PLXND1: variants seen among roughly 807,000 people sequenced by gnomAD.
PLXND1 encodes the protein plexin D1.
PLXND1 carries 54 observed loss-of-function variants against 197.7 expected under a neutral mutation model. That is an observed-to-expected ratio of 0.27 (90% CI 0.22 to 0.34). The LOEUF (loss-of-function observed/expected upper bound fraction) is 0.34, where lower values mean the gene tolerates loss of function less well. Ranked by LOEUF, PLXND1 falls within the 10% of genes least tolerant of loss-of-function variation. The pLI, the probability that PLXND1 is intolerant of heterozygous loss-of-function variation, is 1.00. For missense variants in PLXND1, 2,127 were observed against 2,699.2 expected, an observed-to-expected ratio of 0.79 and a Z score of 4.70; for synonymous variants, 1,180 against 1,161.2, an observed-to-expected ratio of 1.02 and a Z score of -0.33.
intron 25 of PLXND1, 128 bp from the exon 26 acceptor site, chr3:129,563,368 C>T: frequency 2.8e-6 from 2 of 710,958 alleles, no homozygotes; most frequent in East Asian, 2.8e-5. Flanking sequence ...CTGGTGTCAA[C>T]ACTCTCCTCT....
chr3:129,591,305 C>T (rs1417195226), intron 1 of PLXND1: 3 of 152,270 alleles, frequency 2.0e-5, no homozygotes, highest in Non-Finnish European at 4.4e-5. Flanking sequence ...GTGTTTTCCG[C>T]ATAGAGGCTG....
chr3:129,560,578 C>G, intron 30 of PLXND1, 111 bp downstream of exon 30: 1 of 986,526 alleles, frequency 1.0e-6, no homozygotes, highest in Non-Finnish European at 1.6e-6. Flanking sequence ...CCCCACCCCC[C>G]AGCCTTTCGC....
chr3:129,572,707 C>A lies in PLXND1; in HGVS notation c.2979G>T (p.Lys993Asn), dbSNP rs892391733. ...VHSLEPTMGPKAGGTRITIHG... is the reference protein window; with the variant it reads ...VHSLEPTMGPNAGGTRITIHG... ...GGATGGTGATCCTGGTGCCCCCGGC[C>A]TTGGGGCCCATGGTAGGCTCCAGGG... The change falls in exon 15 of 36, where the codon AAG becomes AAT. Residue 993 changes from lysine to asparagine, a missense_variant. This residue lies in a region of PLXND1 where 1,095 missense variants were observed against 1,259.8 expected (regional missense o/e 0.87). Transcript: ENST00000324093. 32 of 1,602,296 alleles carry A rather than the reference C, an allele frequency of 2.0e-5. No individual in the cohort carries two copies. The highest frequency in any genetic ancestry group is 2.7e-5 in the Non-Finnish European group (32 of 1,174,114).
At chr3:129,560,665 C>T in intron 30 of PLXND1, 24 bp downstream of exon 30, 1 of 1,588,048 alleles carries the variant, frequency 6.3e-7, no homozygotes, top group Non-Finnish European at 8.6e-7. Flanking sequence ...GCTGGATCCC[C>T]CGGGGCCGAG....
chr3:129,596,565 G>A (rs565689570), intron 1 of PLXND1, among the ~76,000 whole-genome samples: 5 of 152,166 alleles, frequency 3.3e-5, no homozygotes, highest in African/African-American at 4.8e-5. Flanking sequence ...AGCAGGAGGG[G>A]CAGAGCACGA....
Position 129,561,818 on chromosome 3 carries a change from G to A in PLXND1, c.4911C>T (p.Asn1637=), listed in dbSNP as rs776799232. The A allele has an allele frequency of 8.1e-6, 13 of 1,613,402 alleles. No individual in the cohort carries two copies. In the South Asian group the frequency reaches 1.3e-4, roughly 16 times the overall value. ...GCTGCACCTTGTAATGGGCCAGCGTGTTAAGCTTCTTGCGGCCGTCTTCCA... is the reference window on the plus strand; with the variant it reads ...GCTGCACCTTGTAATGGGCCAGCGTATTAAGCTTCTTGCGGCCGTCTTCCA... ...SVVEDGRKKL[N]TLAHYKIPEG... is the part of the protein sequence containing the mutation. The change falls in exon 28 of 36, where the codon AAC becomes AAT. Residue 1637 remains asparagine, a synonymous_variant. Transcript: ENST00000324093.
At chr3:129,589,623 C>G (rs2085509402) in intron 1 of PLXND1, 96 bp from the exon 2 acceptor site, 3 of 1,078,074 alleles carry the variant, frequency 2.8e-6, no homozygotes, top group Non-Finnish European at 4.0e-6. Flanking sequence ...GGCATCAGAG[C>G]TTTCAAGTCT....
chr3:129,570,641 G>A (rs1578320715), intron 19 of PLXND1, 145 bp downstream of exon 19: 1 of 776,860 alleles, frequency 1.3e-6, no homozygotes, highest in East Asian at 2.5e-5. Flanking sequence ...ATGTCAAGTG[G>A]GGATGTAAAG....
Position 129,558,425 on chromosome 3 carries a change from G to C in PLXND1, c.5445+3C>G, listed in dbSNP as rs777455933. The C allele has an allele frequency of 6.2e-7, 1 of 1,613,164 alleles. No homozygotes were observed. Among genetic ancestry groups the C allele is most frequent in the South Asian group, 1.1e-5 (1 of 91,024 alleles). ...GCCTGGCCTGGTCCTGGGAACAGCT[G>C]ACCTTGCCCAGCTGCAGGTCAGAGA... On this transcript the variant is annotated splice_donor_region_variant and intron_variant, in intron 33 of 35. Coordinates refer to ENST00000324093, the MANE Select transcript of PLXND1 (RefSeq NM_015103.3). The surrounding 1 kb of genome is among the most constrained non-coding windows in gnomAD (Gnocchi z 4.1).
Position 129,605,875 on chromosome 3 carries a change from G to T in PLXND1, c.765C>A (p.Phe255Leu), listed in dbSNP as rs2108811673. The T allele has an allele frequency of 1.9e-6, 3 of 1,613,716 alleles. No individual in the cohort carries two copies. The highest frequency in any genetic ancestry group is 2.5e-6 in the Non-Finnish European group (3 of 1,179,920). ...TGTTGTCGTCGGAGGGGTTGAGGTCGAAGGTGAAGAGCTTGGCCAGGTCGC... is the reference window on the plus strand; with the variant it reads ...TGTTGTCGTCGGAGGGGTTGAGGTCTAAGGTGAAGAGCTTGGCCAGGTCGC... ...TRGDLAKLFT[F>L]DLNPSDDNIL... Residue 255 changes from phenylalanine to leucine, a missense_variant, in exon 1 of 36, where the codon TTC (phenylalanine) becomes TTA (leucine). Transcript: ENST00000324093.
At position 129,562,807 on chromosome 3, in the gene PLXND1, C is replaced by A; in HGVS notation, c.4805G>T (p.Arg1602Leu). The change falls in exon 27 of 36, where the codon CGT (arginine) becomes CTT (leucine). Residue 1602 changes from arginine to leucine, a missense_variant. Coordinates refer to ENST00000324093, the MANE Select transcript of PLXND1 (RefSeq NM_015103.3). The part of the protein sequence containing the change: ...CKNVPYSQWP[R>L]AEDVDLEWFA... ...CCCACCAAGGTCGACGTCCTCTGCA[C>A]GCGGCCACTGGGAGTAGGGCACATT... 6.2e-7 allele frequency: 1 copy of A among 1,603,156 alleles called. No individual in the cohort carries two copies. The highest frequency in any genetic ancestry group is 8.5e-7 in the Non-Finnish European group (1 of 1,170,956).
Position 129,571,061 on chromosome 3 carries a change from C to T in PLXND1, c.3579G>A (p.Glu1193=), listed in dbSNP as rs142342248. Residue 1193 remains glutamate, a synonymous_variant, in exon 18 of 36, where the codon GAG becomes GAA. Coordinates refer to ENST00000324093, the MANE Select transcript of PLXND1 (RefSeq NM_015103.3). ...TCACGTGGATAACGAGGGTGAGAGG[C>T]TCCCCGGGGTGGTGCTTGATCCACT... is the stretch of plus-strand genomic sequence containing the variant. ...REKWIKHHPG[E]PLTLVIHKEQ... 374 of 1,614,102 alleles carry T rather than the reference C, an allele frequency of 2.3e-4. 1 individual carries two copies. The highest frequency in any genetic ancestry group is 5.5e-4 in the Admixed American group (33 of 60,026).
chr3:129,577,903 T>C lies in PLXND1; in HGVS notation c.2346+426A>G, dbSNP rs556252707. Among the ~76,000 whole-genome samples, 1 of 152,336 alleles carries C rather than the reference T, an allele frequency of 6.6e-6. No homozygotes were observed. Among genetic ancestry groups the C allele is most frequent in the South Asian group, 2.1e-4 (1 of 4,830 alleles). ...GGAATGGGGTGGCCAAGGGGTTCTC[T>C]GGTCATTCTGCAGGGAAGACATGGA... On this transcript the variant is annotated intron_variant, in intron 9 of 35. Coordinates refer to ENST00000324093, the MANE Select transcript of PLXND1 (RefSeq NM_015103.3). This position sits in a 1 kb window ranked among gnomAD's most constrained non-coding sequence, Gnocchi z 5.0.
Position 129,578,389 on chromosome 3 carries a change from G to A in PLXND1, c.2286C>T (p.Pro762=), listed in dbSNP as rs576350590. 1.1e-5 allele frequency: 17 copies of A among 1,605,158 alleles called. No homozygotes were observed. Among genetic ancestry groups the A allele is most frequent in the African/African-American group, 5.3e-5 (4 of 75,014 alleles). ...TGTTCTGGGAGCCACCCGTAGGCACGGGTGCCAGGGGTGAGAGCAGGGTCC... is the reference window on the plus strand; with the variant it reads ...TGTTCTGGGAGCCACCCGTAGGCACAGGTGCCAGGGGTGAGAGCAGGGTCC... ...CPRTLLSPLA[P]VPTGGSQNIL... Residue 762 remains proline (P), a synonymous_variant, in exon 9 of 36, where the codon CCC becomes CCT. Coordinates refer to ENST00000324093, the MANE Select transcript of PLXND1 (RefSeq NM_015103.3).
intron 7 of PLXND1, 132 bp downstream of exon 7, chr3:129,583,993 G>C (rs550640071): frequency 1.5e-6 from 1 of 656,738 alleles, no homozygotes; most frequent in Admixed American, 2.3e-5. Context: ...GCTGGTGAAT[G>C]AACAACTGAA....
chr3:129,579,585 G>A (rs1246334205), intron 8 of PLXND1, among the ~76,000 whole-genome samples: 2 of 152,146 alleles, frequency 1.3e-5, no homozygotes, highest in East Asian at 1.9e-4. Flanking sequence ...TCCTGCTCCC[G>A]AATCTGACCT....
At chr3:129,576,314 C>T (rs1323649193) in intron 9 of PLXND1, among the ~76,000 whole-genome samples, 1 of 152,232 alleles carries the variant, frequency 6.6e-6, no homozygotes, top group Non-Finnish European at 1.5e-5. Context: ...ACCTGTCTTC[C>T]TTTCTACCAC....
intron 11 of PLXND1, 44 bp downstream of exon 11, chr3:129,575,425 G>T: frequency 8.2e-7 from 1 of 1,212,938 alleles, no homozygotes; most frequent in Non-Finnish European, 1.2e-6. Flanking sequence ...CCCACCCACT[G>T]CACTGAGGCC....
At chr3:129,566,667 G>A in intron 22 of PLXND1, 36 bp from the exon 23 acceptor site, 1 of 1,297,308 alleles carries the variant, frequency 7.7e-7, no homozygotes, top group South Asian at 1.3e-5. Flanking sequence ...CAGCGGGGCT[G>A]GACACCCCCT....
Sources: gnomAD v4.1 joint callset for allele counts (sites outside exome capture counted in the v4.1 genomes callset) on GRCh38, gnomAD v4.1.1 for gene constraint, gnomAD v4.1.1 regional missense constraint, Gnocchi (gnomAD v3.1) non-coding constraint, MANE v1.5 for transcripts, NCBI Gene and HGNC (gene_info 2026-07-23, HGNC 2026-07-21) for gene names.